SESN1: variants seen among roughly 807,000 people sequenced by gnomAD.
SESN1 encodes the protein sestrin 1.
In SESN1, 30 loss-of-function variants were observed where a neutral mutation model predicts 59.3. The ratio of observed to expected loss-of-function variants is 0.51; its 90% CI spans 0.38 to 0.69. SESN1 has a LOEUF of 0.69. Ranked by LOEUF, SESN1 falls within the 30% of genes least tolerant of loss-of-function variation. The probability of loss-of-function intolerance (pLI) is 0.00; values close to 1 mark genes in which losing one functional copy is unlikely to be tolerated. For missense variants in SESN1, 566 were observed against 673.0 expected, an observed-to-expected ratio of 0.84 and a Z score of 1.76; for synonymous variants, 197 against 219.9, an observed-to-expected ratio of 0.90 and a Z score of 0.92.
intron 6 of SESN1, among the ~76,000 whole-genome samples, chr6:108,993,562 T>A (rs1476344368): frequency 1.3e-5 from 2 of 152,208 alleles, no homozygotes; most frequent in Non-Finnish European, 2.9e-5. Context: ...AACTCGGTGC[T>A]CTTTCTCCCA....
chr6:109,039,603 AG>A (rs1173473930), intron 1 of SESN1, among the ~76,000 whole-genome samples: 1 of 152,220 alleles, frequency 6.6e-6, no homozygotes, highest in African/African-American at 2.4e-5. Flanking sequence ...TCTCAAGTGG[AG>A]GGGTCATAGT....
chr6:109,043,527 G>T (rs1780375502), intron 1 of SESN1, among the ~76,000 whole-genome samples: 1 of 152,144 alleles, frequency 6.6e-6, no homozygotes, highest in African/African-American at 2.4e-5. Context: ...TGAGCAGGTT[G>T]CAGGATACAA....
At chr6:109,009,275 G>T in intron 1 of SESN1, 1 of 1,222,108 alleles carries the variant, frequency 8.2e-7, no homozygotes, top group Non-Finnish European at 1.1e-6. Context: ...GAGGCAACGT[G>T]ACCTCCGTGT....
At chr6:109,028,282 C>T (rs755966026) in intron 1 of SESN1, among the ~76,000 whole-genome samples, 8 of 152,148 alleles carry the variant, frequency 5.3e-5, no homozygotes, top group Non-Finnish European at 7.3e-5. Context: ...AGGGCATTCA[C>T]TTTTTAAATA....
At chr6:109,042,258 A>G (rs1473820651) in intron 1 of SESN1, among the ~76,000 whole-genome samples, 1 of 152,048 alleles carries the variant, frequency 6.6e-6, no homozygotes, top group African/African-American at 2.4e-5. Context: ...AAAATAAAAA[A>G]TTCAAATAAA....
At position 109,032,443 on chromosome 6, in the gene SESN1, C is replaced by CCTGTCT. The variant is rs563174435; in HGVS notation, c.280-30106_280-30101dup. On this transcript the variant is annotated intron_variant, in intron 1 of 9. Coordinates refer to ENST00000436639, the MANE Select transcript of SESN1 (RefSeq NM_014454.3). ...ACCAGCCTGGCCAACATAGTGAAAC[C>CCTGTCT]CTGTCTCTACTAAAAATACAAAAAA... 8.3e-3 allele frequency among the ~76,000 whole-genome samples: 1,263 copies of CCTGTCT among 152,140 alleles called. 12 individuals are homozygous for CCTGTCT. Among genetic ancestry groups the CCTGTCT allele is most frequent in the South Asian group, 0.02 (97 of 4,824 alleles).
At chr6:109,063,374 T>C (rs760932604) in intron 1 of SESN1, among the ~76,000 whole-genome samples, 7 of 152,132 alleles carry the variant, frequency 4.6e-5, no homozygotes, top group Non-Finnish European at 7.4e-5. Flanking sequence ...GTAGGCTGCA[T>C]AGACCAATGA....
At chr6:109,092,659 C>G (rs1335213670) in intron 1 of SESN1, among the ~76,000 whole-genome samples, 1 of 152,074 alleles carries the variant, frequency 6.6e-6, no homozygotes, top group African/African-American at 2.4e-5. Flanking sequence ...AATGATGACC[C>G]CATTATGGAC....
At chr6:109,040,107 A>G (rs2035012641) in intron 1 of SESN1, among the ~76,000 whole-genome samples, 1 of 152,212 alleles carries the variant, frequency 6.6e-6, no homozygotes, top group Admixed American at 6.5e-5. Flanking sequence ...TTAGCGTAAA[A>G]ACTTCAGTCA....
intron 1 of SESN1, among the ~76,000 whole-genome samples, chr6:109,049,365 A>T (rs1050526861): frequency 6.6e-6 from 1 of 152,120 alleles, no homozygotes; most frequent in African/African-American, 2.4e-5. Context: ...AAGAGAGGTT[A>T]CTAAAAGCTG....
chr6:109,009,319 C>A, intron 1 of SESN1: 1 of 1,454,268 alleles, frequency 6.9e-7, no homozygotes, highest in South Asian at 1.3e-5. Context: ...GCCCACCCGC[C>A]CAGGTACCCA....
intron 1 of SESN1, among the ~76,000 whole-genome samples, chr6:109,056,943 C>T (rs1211862386): frequency 6.6e-6 from 1 of 152,206 alleles, no homozygotes; most frequent in Non-Finnish European, 1.5e-5. Context: ...CTCTCCCTCC[C>T]CTGACACACA....
chr6:108,987,684 G>A (rs979270873), intron 9 of SESN1, 54 bp from the exon 10 acceptor site: 9 of 934,474 alleles, frequency 9.6e-6, no homozygotes, highest in Admixed American at 3.5e-5. Context: ...TTCACAATCA[G>A]TTTTTCAGTG....
In SESN1 at chr6:109,009,114, T is replaced by C. The variant is rs553251425; in HGVS notation, c.280-6771A>G. 46 of 731,150 alleles carry C rather than the reference T, an allele frequency of 6.3e-5. No individual in the cohort carries two copies. The African/African-American group carries it at 8.3e-4, about 13-fold the overall frequency. The allele number at this position is 731,150 out of a possible 1,614,324, so 45.3% of individuals were successfully genotyped here. A position where few individuals can be genotyped will look rare whatever the true frequency, so the allele number is the denominator to read the frequency against. On this transcript the variant is annotated intron_variant, in intron 1 of 9. Coordinates refer to ENST00000436639, the MANE Select transcript of SESN1 (RefSeq NM_014454.3). Reference sequence around the variant, plus strand: ...CGCAGTCTCTCCCAGCTTAGCATTTTCTGCCCAGGGACGACTCACGGTGCG... The same window carrying C: ...CGCAGTCTCTCCCAGCTTAGCATTTCCTGCCCAGGGACGACTCACGGTGCG...
At chr6:109,000,759 TTA>T (rs1779603952) in intron 3 of SESN1, 86 bp from the exon 4 acceptor site, 2 of 1,095,398 alleles carry the variant, frequency 1.8e-6, no homozygotes, top group African/African-American at 1.6e-5. Context: ...AAAGAGCTAA[TTA>T]AGTTTATTAG....
At chr6:109,000,357 G>A in intron 4 of SESN1, 134 bp downstream of exon 4, 1 of 557,074 alleles carries the variant, frequency 1.8e-6, no homozygotes. Context: ...AGAAGAAAAT[G>A]TGCATCTGTG....
intron 1 of SESN1, among the ~76,000 whole-genome samples, chr6:109,054,085 G>C (rs544429490): frequency 1.3e-5 from 2 of 149,916 alleles, no homozygotes; most frequent in Admixed American, 1.3e-4. Flanking sequence ...TTAATTTTTT[G>C]GGGGGGGAGG....
chr6:109,037,378 A>G (rs1012979771), intron 1 of SESN1, among the ~76,000 whole-genome samples: 2 of 152,246 alleles, frequency 1.3e-5, no homozygotes, highest in Non-Finnish European at 2.9e-5. Context: ...CGTAGAAACC[A>G]TAACACTCCA....
intron 1 of SESN1, among the ~76,000 whole-genome samples, chr6:109,024,605 A>G (rs1302533326): frequency 2.6e-5 from 4 of 152,260 alleles, no homozygotes; most frequent in Non-Finnish European, 5.9e-5. Flanking sequence ...TGAAAATATC[A>G]TAAGTAAAAA....
Sources: allele counts gnomAD v4.1 joint callset (sites outside exome capture counted in the v4.1 genomes callset), GRCh38; gene constraint gnomAD v4.1.1; transcripts MANE v1.5; gene names NCBI Gene and HGNC (gene_info 2026-07-23, HGNC 2026-07-21).